SHLD1: variants seen among roughly 807,000 people sequenced by gnomAD.
SHLD1 encodes shieldin complex subunit 1, also known as RINN1-REV7-interacting novel NHEJ regulator 3.
In SHLD1, 3 loss-of-function variants were observed where a neutral mutation model predicts 5.5. The observed-to-expected ratio is 0.54, with a 90% CI of 0.25 to 1.40. SHLD1 has a LOEUF of 1.40. SHLD1 is among the 40% of genes most tolerant of loss of function. SHLD1 has a pLI of 0.15. For missense variants in SHLD1, 210 were observed against 244.4 expected (o/e 0.86, Z 0.94); for synonymous variants, 92 against 94.3 (o/e 0.98, Z 0.14).
intron 2 of SHLD1, among the ~76,000 whole-genome samples, chr20:5,785,811 A>AG (rs1270409235): frequency 6.6e-6 from 1 of 151,874 alleles, no homozygotes; most frequent in Non-Finnish European, 1.5e-5. Context: ...AAAAAAAAAA[A>AG]AAGCTTTAAA....
Position 5,788,995 on chromosome 20 carries a change from A to G in SHLD1, c.178+15952A>G, listed in dbSNP as rs534140512. Among the ~76,000 whole-genome samples the G allele has an allele frequency of 2.6e-5, 4 of 152,106 alleles. No individual in the cohort carries two copies. In the East Asian group the frequency reaches 7.8e-4, roughly 30 times the overall value. Reference sequence around the variant, plus strand: ...TAAAAATACAAAAAATTATCTGGGCATAGTGGCACGCACCTGTAATCCCAG... The same window carrying G: ...TAAAAATACAAAAAATTATCTGGGCGTAGTGGCACGCACCTGTAATCCCAG... On this transcript the variant is annotated intron_variant, in intron 2 of 2. Coordinates refer to ENST00000303142, the MANE Select transcript of SHLD1 (RefSeq NM_152504.4).
At chr20:5,856,936 A>G (rs2088093892) in intron 2 of SHLD1, among the ~76,000 whole-genome samples, 1 of 152,168 alleles carries the variant, frequency 6.6e-6, no homozygotes, top group African/African-American at 2.4e-5. Flanking sequence ...TTTGCAATTT[A>G]ATTTGTAAAT....
At chr20:5,861,428 C>A (rs2088161088) in intron 2 of SHLD1, among the ~76,000 whole-genome samples, 1 of 152,194 alleles carries the variant, frequency 6.6e-6, no homozygotes, top group Non-Finnish European at 1.5e-5. Flanking sequence ...CAGCATCCAT[C>A]TGTCTATCTT....
chr20:5,758,543 C>T (rs553681684), intron 1 of SHLD1, among the ~76,000 whole-genome samples: 93 of 151,740 alleles, frequency 6.1e-4, no homozygotes, highest in Middle Eastern at 3.4e-3. Context: ...CTCAGCCTTC[C>T]GAGTAGCTGG....
chr20:5,764,219 GTATA>G (rs71197792), intron 1 of SHLD1, among the ~76,000 whole-genome samples: 14 of 94,540 alleles, frequency 1.5e-4, no homozygotes, highest in South Asian at 3.4e-4. Context: ...TTGTGTGTGT[GTATA>G]TATATATATA....
intron 2 of SHLD1, among the ~76,000 whole-genome samples, chr20:5,787,861 G>T (rs755382660): frequency 2.6e-5 from 4 of 152,276 alleles, no homozygotes; most frequent in African/African-American, 7.2e-5. Context: ...TAAGTTAAAA[G>T]CATATATTAT....
rs920784770 is a variant in SHLD1, at chr20:5,855,770, G to A, written c.179-7254G>A. Among the ~76,000 whole-genome samples the A allele has an allele frequency of 1.3e-5, 2 of 152,144 alleles. No homozygotes were observed. Among genetic ancestry groups the A allele is most frequent in the African/African-American group, 4.8e-5 (2 of 41,440 alleles). ...TGAGAAATGCAATTTGAAATAGTGT[G>A]CCCAGGAAATGTATGGTAAACTGAA... On this transcript the variant is annotated intron_variant, in intron 2 of 2. Coordinates refer to ENST00000303142, the MANE Select transcript of SHLD1 (RefSeq NM_152504.4). This position sits in a 1 kb window ranked among gnomAD's most constrained non-coding sequence, Gnocchi z 4.4.
At chr20:5,814,038 C>T (rs1266277987) in intron 2 of SHLD1, among the ~76,000 whole-genome samples, 3 of 150,302 alleles carry the variant, frequency 2.0e-5, no homozygotes, top group South Asian at 2.1e-4. Context: ...CTGCAAACGC[C>T]GCCTCCCTGG....
intron 2 of SHLD1, among the ~76,000 whole-genome samples, chr20:5,785,295 T>C (rs1460433144): frequency 2.0e-5 from 3 of 152,240 alleles, no homozygotes; most frequent in African/African-American, 7.2e-5. Context: ...GTTGTTCTTT[T>C]GATTCTCACA....
intron 2 of SHLD1, among the ~76,000 whole-genome samples, chr20:5,843,359 TTC>T (rs955246821): frequency 1.3e-5 from 2 of 151,848 alleles, no homozygotes; most frequent in Admixed American, 6.6e-5. Flanking sequence ...TTTCTTTTTT[TTC>T]TCTCTCTCTC....
intron 1 of SHLD1, among the ~76,000 whole-genome samples, chr20:5,764,215 G>GTATATATATATATATATATATA (rs1225900197): frequency 3.7e-5 from 4 of 109,574 alleles, no homozygotes; most frequent in African/African-American, 1.4e-4. Flanking sequence ...ATATTTGTGT[G>GTATATATATATATATATATATA]TGTGTATATA....
chr20:5,779,297 AG>A (rs1253341921), intron 2 of SHLD1, among the ~76,000 whole-genome samples: 1 of 152,092 alleles, frequency 6.6e-6, no homozygotes, highest in Non-Finnish European at 1.5e-5. Context: ...ACTCTGAAGG[AG>A]GTCACTGCCC....
chr20:5,752,743 G>C (rs571908619), intron 1 of SHLD1, among the ~76,000 whole-genome samples: 16 of 151,612 alleles, frequency 1.1e-4, no homozygotes, highest in Non-Finnish European at 1.6e-4. Flanking sequence ...AGCTTCTGGA[G>C]CAGCTGGGAT....
rs537280170 is a variant in SHLD1, at chr20:5,855,467, G to A, written c.179-7557G>A. ...GCTCATGGCAACCTCCACCTCCCGC[G>A]TTCAAGAGATTCTTGTGCCTCAGCC... is the stretch of plus-strand genomic sequence containing the variant. On this transcript the variant is annotated intron_variant, in intron 2 of 2. Coordinates refer to ENST00000303142, the MANE Select transcript of SHLD1 (RefSeq NM_152504.4). The surrounding 1 kb of genome is among the most constrained non-coding windows in gnomAD (Gnocchi z 4.4). 3.9e-5 allele frequency among the ~76,000 whole-genome samples: 6 copies of A among 152,216 alleles called. No homozygotes were observed. The highest frequency in any genetic ancestry group is 2.1e-4 in the South Asian group (1 of 4,812).
chr20:5,826,691 G>A (rs1600159262), intron 2 of SHLD1, among the ~76,000 whole-genome samples: 2 of 152,156 alleles, frequency 1.3e-5, no homozygotes, highest in African/African-American at 4.8e-5. Context: ...TCCTGGGTTT[G>A]AATCTGAACT....
chr20:5,789,279 C>A (rs1312555962), intron 2 of SHLD1, among the ~76,000 whole-genome samples: 1 of 145,452 alleles, frequency 6.9e-6, no homozygotes, highest in African/African-American at 2.5e-5. Context: ...AATTATAGTA[C>A]CATTAAAGGG....
chr20:5,785,918 G>C (rs2087053959), intron 2 of SHLD1, among the ~76,000 whole-genome samples: 1 of 151,898 alleles, frequency 6.6e-6, no homozygotes, highest in African/African-American at 2.4e-5. Flanking sequence ...TGTGACTCCT[G>C]GTCCACTGGA....
chr20:5,825,883 A>G (rs1375388650), intron 2 of SHLD1, among the ~76,000 whole-genome samples: 1 of 152,236 alleles, frequency 6.6e-6, no homozygotes, highest in Non-Finnish European at 1.5e-5. Flanking sequence ...CTGACAGTGT[A>G]AGTTTTCATT....
chr20:5,806,335 G>T lies in SHLD1; in HGVS notation c.178+33292G>T, dbSNP rs142376706. On this transcript the variant is annotated intron_variant, in intron 2 of 2. Coordinates refer to ENST00000303142, the MANE Select transcript of SHLD1 (RefSeq NM_152504.4). The surrounding 1 kb of genome is among the most constrained non-coding windows in gnomAD (Gnocchi z 7.6). ...TCCACAGTATATGGATTTGTGGATC[G>T]TGTCTTCTTCCTTCCATTTGAAAAC... Among the ~76,000 whole-genome samples, 1 of 152,180 alleles carries T rather than the reference G, an allele frequency of 6.6e-6. No homozygotes were observed. The highest frequency in any genetic ancestry group is 2.1e-4 in the South Asian group (1 of 4,834).
Sources: gnomAD v4.1 joint callset for allele counts (sites outside exome capture counted in the v4.1 genomes callset) on GRCh38, gnomAD v4.1.1 for gene constraint, Gnocchi (gnomAD v3.1) non-coding constraint, MANE v1.5 for transcripts, NCBI Gene and HGNC (gene_info 2026-07-23, HGNC 2026-07-21) for gene names.